Variants in ANO10 observed in about 807,000 individuals in gnomAD.
ANO10 encodes the protein anoctamin 10.
ANO10 carries 77 observed loss-of-function variants against 74.7 expected under a neutral mutation model. That is an observed-to-expected ratio of 1.03 (90% confidence interval 0.86 to 1.25). The LOEUF is 1.25. Ranked by LOEUF, ANO10 falls within the 50% of genes most tolerant of loss-of-function variation. The probability of loss-of-function intolerance (pLI) is 0.00; values close to 1 mark genes in which losing one functional copy is unlikely to be tolerated. For synonymous variants in ANO10, 279 were observed against 284.9 expected, an observed-to-expected ratio of 0.98 and a Z score of 0.21; for missense variants, 721 against 778.1, an observed-to-expected ratio of 0.93 and a Z score of 0.87.
intron 4 of ANO10, among the ~76,000 whole-genome samples, chr3:43,593,888 T>C (rs958908619): frequency 6.6e-6 from 1 of 152,000 alleles, no homozygotes; most frequent in Non-Finnish European, 1.5e-5. Context: ...GAGACACACA[T>C]AGGCTCAAAA....
At chr3:43,445,055 G>A (rs1175942261) in intron 11 of ANO10, among the ~76,000 whole-genome samples, 9 of 150,408 alleles carry the variant, frequency 6.0e-5, no homozygotes, top group Non-Finnish European at 1.0e-4. Flanking sequence ...CCCGGGAGGA[G>A]GAGCTTGCAG....
intron 11 of ANO10, among the ~76,000 whole-genome samples, chr3:43,471,921 G>T (rs777654356): frequency 1.3e-5 from 2 of 152,030 alleles, no homozygotes; most frequent in Non-Finnish European, 2.9e-5. Context: ...ACAAATAAAT[G>T]GATGAAAAAA....
intron 11 of ANO10, among the ~76,000 whole-genome samples, chr3:43,521,603 C>T (rs1164167137): frequency 6.6e-6 from 1 of 152,156 alleles, no homozygotes; most frequent in Non-Finnish European, 1.5e-5. Flanking sequence ...GGTACTACTT[C>T]ACATCCACTA....
intron 1 of ANO10, among the ~76,000 whole-genome samples, chr3:43,629,765 G>T (rs2083528185): frequency 6.6e-6 from 1 of 152,202 alleles, no homozygotes; most frequent in Non-Finnish European, 1.5e-5. Flanking sequence ...AATCAGATTT[G>T]GGAGAAATTC....
intron 11 of ANO10, among the ~76,000 whole-genome samples, chr3:43,470,630 G>T (rs13322728): frequency 0.54 from 69,877 of 129,372 alleles, 18,400 homozygotes; most frequent in East Asian, 0.77. Flanking sequence ...ATTTATTTAT[G>T]TATTTATTTA....
chr3:43,460,530 CT>C (rs1187624319), intron 11 of ANO10, among the ~76,000 whole-genome samples: 2 of 152,196 alleles, frequency 1.3e-5, no homozygotes, highest in Non-Finnish European at 1.5e-5. Flanking sequence ...CACCCTCCCC[CT>C]CTCCCCTTTG....
intron 11 of ANO10, among the ~76,000 whole-genome samples, chr3:43,446,227 T>C (rs1478537302): frequency 1.3e-5 from 2 of 152,206 alleles, no homozygotes; most frequent in Non-Finnish European, 2.9e-5. Flanking sequence ...ACTTCTCAGA[T>C]TGCATTTAAA....
intron 6 of ANO10, among the ~76,000 whole-genome samples, chr3:43,575,527 G>A (rs2149398139): frequency 6.6e-6 from 1 of 152,118 alleles, no homozygotes; most frequent in East Asian, 1.9e-4. Context: ...TCCTCCCAGG[G>A]TCACTCTCAG....
chr3:43,399,070 C>T (rs1289275020), intron 12 of ANO10, among the ~76,000 whole-genome samples: 1 of 152,200 alleles, frequency 6.6e-6, no homozygotes, highest in Non-Finnish European at 1.5e-5. Flanking sequence ...TCAAGTGATC[C>T]ACTCACCTCG....
chr3:43,522,983 G>A (rs1173526137), intron 11 of ANO10, among the ~76,000 whole-genome samples: 1 of 152,224 alleles, frequency 6.6e-6, no homozygotes, highest in Non-Finnish European at 1.5e-5. Context: ...AGAAGCAAGG[G>A]AGGCTGGAAA....
chr3:43,429,645 G>A (rs144091168), intron 12 of ANO10, among the ~76,000 whole-genome samples: 19 of 152,060 alleles, frequency 1.2e-4, no homozygotes, highest in African/African-American at 4.3e-4. Flanking sequence ...GCCCTCTCAC[G>A]CATTTTTAAA....
intron 12 of ANO10, among the ~76,000 whole-genome samples, chr3:43,392,754 A>G (rs1334286605): frequency 1.3e-5 from 2 of 151,982 alleles, no homozygotes; most frequent in South Asian, 2.1e-4. Flanking sequence ...TTCAGTCGAC[A>G]TTCTATTTCT....
intron 5 of ANO10, among the ~76,000 whole-genome samples, chr3:43,577,500 G>T (rs1050090891): frequency 6.6e-5 from 10 of 152,106 alleles, no homozygotes; most frequent in African/African-American, 2.4e-4. Context: ...TGCTCCGCCA[G>T]GTGCCTGGAC....
chr3:43,498,756 C>A (rs1286813455), intron 11 of ANO10, among the ~76,000 whole-genome samples: 3 of 152,176 alleles, frequency 2.0e-5, no homozygotes, highest in Non-Finnish European at 4.4e-5. Flanking sequence ...AAGCAAAGAG[C>A]AGTCAAAATA....
intron 1 of ANO10, chr3:43,690,798 T>A (rs1042560211): frequency 6.4e-6 from 3 of 467,358 alleles, no homozygotes; most frequent in Non-Finnish European, 3.6e-6. Context: ...GCATGCTGGC[T>A]GGGGATGGCG....
intron 9 of ANO10, among the ~76,000 whole-genome samples, chr3:43,557,205 C>CA (rs1445895317): frequency 6.6e-6 from 1 of 151,376 alleles, no homozygotes; most frequent in Non-Finnish European, 1.5e-5. Context: ...ACCGAATGAT[C>CA]AAACAAGGTG....
In ANO10 at chr3:43,549,913, T is replaced by C. The variant is rs1842805; in HGVS notation, c.1669-65A>G. 170,030 of 1,569,028 alleles carry C rather than the reference T, an allele frequency of 0.11. 10,723 individuals carry two copies. The highest frequency in any genetic ancestry group is 0.26 in the African/African-American group (19,005 of 73,756). On this transcript the variant is annotated intron_variant, in intron 10 of 12. Coordinates refer to ENST00000292246, the MANE Select transcript of ANO10 (RefSeq NM_018075.5). ...TGCTTCCATATTTCCTCATCCTTTT[T>C]CATGTTATCTAAAAATCAAGGAAAA...
chr3:43,411,685 A>G (rs1199044387), intron 12 of ANO10, among the ~76,000 whole-genome samples: 1 of 152,084 alleles, frequency 6.6e-6, no homozygotes, highest in Non-Finnish European at 1.5e-5. Flanking sequence ...ACAATGGAAA[A>G]CTCATACTTT....
intron 11 of ANO10, among the ~76,000 whole-genome samples, chr3:43,489,869 GA>G (rs35152788): frequency 1.3e-4 from 19 of 147,730 alleles, no homozygotes; most frequent in South Asian, 4.3e-4. Context: ...CCTGATTTAA[GA>G]AAAAAAAAAC....
Sources: allele counts gnomAD v4.1 joint callset (sites outside exome capture counted in the v4.1 genomes callset), GRCh38; gene constraint gnomAD v4.1.1; transcripts MANE v1.5; gene names NCBI Gene and HGNC (gene_info 2026-07-23, HGNC 2026-07-21).